Variants in OSBP2 observed in about 807,000 individuals in gnomAD.
OSBP2 encodes the protein oxysterol binding protein 2.
In OSBP2, 66 loss-of-function variants were observed where a neutral mutation model predicts 96.0. The ratio of observed to expected loss-of-function variants is 0.69; its 90% CI spans 0.56 to 0.84. The LOEUF (loss-of-function observed/expected upper bound fraction) is 0.84. Ranked by LOEUF, OSBP2 falls within the 40% of genes least tolerant of loss-of-function variation. The pLI is 0.00. For synonymous variants in OSBP2, 525 were observed against 520.9 expected (o/e 1.01, Z -0.11); for missense variants, 1,038 against 1,222.7 (o/e 0.85, Z 2.25).
At chr22:30,897,291 CCT>C (rs1412223419) in intron 12 of OSBP2, among the ~76,000 whole-genome samples, 1 of 152,196 alleles carries the variant, frequency 6.6e-6, no homozygotes, top group Non-Finnish European at 1.5e-5. Context: ...TTTCTGTACA[CCT>C]CTTTCACTTG....
rs1157018014 is a variant in OSBP2, at chr22:30,907,590, G to A, written c.*1251G>A. The A allele has an allele frequency of 6.6e-6, 1 of 152,044 alleles. No individual in the cohort carries two copies. The highest frequency in any genetic ancestry group is 1.5e-5 in the Non-Finnish European group (1 of 67,978). 9.4% of individuals were successfully genotyped at this position (152,044 alleles called of 1,614,324 possible). A position where few individuals can be genotyped will look rare whatever the true frequency, so the allele number is the denominator to read the frequency against. On this transcript the variant is annotated 3_prime_UTR_variant, in exon 14 of 14. Transcript: ENST00000332585. ...TTTAGTCCTAAAAGTTCATCACAGGGTCTTTCTTTCTACTCCAGGACTGGT... is the reference window on the plus strand; with the variant it reads ...TTTAGTCCTAAAAGTTCATCACAGGATCTTTCTTTCTACTCCAGGACTGGT...
At chr22:30,799,859 G>T (rs2090825074) in intron 2 of OSBP2, among the ~76,000 whole-genome samples, 1 of 152,312 alleles carries the variant, frequency 6.6e-6, no homozygotes, top group African/African-American at 2.4e-5. Context: ...GAGTTTGAAA[G>T]GGTCCTGAAT....
chr22:30,898,183 A>G (rs1199312226), intron 12 of OSBP2, among the ~76,000 whole-genome samples: 1 of 152,042 alleles, frequency 6.6e-6, no homozygotes, highest in South Asian at 2.1e-4. Flanking sequence ...TCTACCAAAA[A>G]AAAATTTTTT....
At chr22:30,899,314 G>T (rs906288905) in intron 12 of OSBP2, among the ~76,000 whole-genome samples, 2 of 151,140 alleles carry the variant, frequency 1.3e-5, no homozygotes, top group African/African-American at 4.9e-5. Flanking sequence ...GCTGAGGCAG[G>T]AAGGTTACTT....
intron 3 of OSBP2, among the ~76,000 whole-genome samples, chr22:30,884,290 C>T (rs895482791): frequency 1.3e-5 from 2 of 152,188 alleles, no homozygotes; most frequent in African/African-American, 4.8e-5. Flanking sequence ...GGTGACTGCA[C>T]TCCTCCCACC....
chr22:30,841,122 A>G (rs937151865), intron 2 of OSBP2, among the ~76,000 whole-genome samples: 10 of 152,138 alleles, frequency 6.6e-5, no homozygotes, highest in South Asian at 4.1e-4. Flanking sequence ...CTGAGATTGC[A>G]TCACTGTACT....
intron 2 of OSBP2, among the ~76,000 whole-genome samples, chr22:30,838,697 C>CT (rs572643836): frequency 6.7e-5 from 10 of 150,206 alleles, no homozygotes; most frequent in African/African-American, 1.5e-4. Flanking sequence ...TTGCCCAGTG[C>CT]TTTTTTTTTC....
At chr22:30,756,875 T>C (rs976548965) in intron 2 of OSBP2, among the ~76,000 whole-genome samples, 2 of 152,090 alleles carry the variant, frequency 1.3e-5, no homozygotes, top group African/African-American at 4.8e-5. Flanking sequence ...GCAGGGGTGA[T>C]AGGGCCCTTT....
chr22:30,835,730 T>C (rs1415944726), intron 2 of OSBP2, among the ~76,000 whole-genome samples: 4 of 151,706 alleles, frequency 2.6e-5, no homozygotes, highest in African/African-American at 9.7e-5. Flanking sequence ...TTTTTTTTTT[T>C]TTTTTTTAAG....
At chr22:30,834,739 T>C (rs1384464952) in intron 2 of OSBP2, among the ~76,000 whole-genome samples, 1 of 152,216 alleles carries the variant, frequency 6.6e-6, no homozygotes, top group Non-Finnish European at 1.5e-5. Flanking sequence ...ATATTCTGGA[T>C]ACAAGTCCCT....
intron 1 of OSBP2, among the ~76,000 whole-genome samples, chr22:30,734,860 C>A (rs976208769): frequency 1.3e-5 from 2 of 152,112 alleles, no homozygotes; most frequent in South Asian, 2.1e-4. Context: ...TGTATAATTC[C>A]TTCCAAATAA....
chr22:30,801,338 T>C (rs919403091), intron 2 of OSBP2, among the ~76,000 whole-genome samples: 4 of 152,246 alleles, frequency 2.6e-5, no homozygotes, highest in African/African-American at 9.6e-5. Context: ...TTGTTTATTT[T>C]TTTAAGGTAC....
chr22:30,779,052 G>T (rs1260203173), intron 2 of OSBP2, among the ~76,000 whole-genome samples: 1 of 150,488 alleles, frequency 6.6e-6, no homozygotes, highest in African/African-American at 2.4e-5. Flanking sequence ...AAAAAATACT[G>T]ATTTAATTTT....
intron 2 of OSBP2, among the ~76,000 whole-genome samples, chr22:30,822,051 C>T (rs2038283792): frequency 1.3e-5 from 2 of 152,242 alleles, no homozygotes; most frequent in South Asian, 4.1e-4. Context: ...TTGCCTTCTT[C>T]CTGCATGGTG....
Position 30,876,340 on chromosome 22 carries a change from A to G in OSBP2, c.1107+5658A>G, listed in dbSNP as rs144756231. On this transcript the variant is annotated intron_variant, in intron 3 of 13. Transcript: ENST00000332585. ...TGGGCCTCTGGACAGTTCTCCAGTCATGGTGGGCCCGTGGGCAGGACTTGG... is the reference window on the plus strand; with the variant it reads ...TGGGCCTCTGGACAGTTCTCCAGTCGTGGTGGGCCCGTGGGCAGGACTTGG... Among the ~76,000 whole-genome samples, 140 of 152,244 alleles carry G rather than the reference A, an allele frequency of 9.2e-4. 4 individuals carry two copies. In the East Asian group the frequency reaches 0.025, roughly 27 times the overall value.
At chr22:30,812,346 G>A (rs1236040969) in intron 2 of OSBP2, among the ~76,000 whole-genome samples, 3 of 151,092 alleles carry the variant, frequency 2.0e-5, no homozygotes, top group Non-Finnish European at 4.4e-5. Context: ...TTGTATTTTT[G>A]GTAGAGACAG....
intron 2 of OSBP2, among the ~76,000 whole-genome samples, chr22:30,812,700 A>G (rs1340615049): frequency 6.6e-6 from 1 of 152,254 alleles, no homozygotes; most frequent in Non-Finnish European, 1.5e-5. Flanking sequence ...CAGATGCTAT[A>G]AAATTGTCAG....
At chr22:30,807,842 G>C (rs2090949940) in intron 2 of OSBP2, among the ~76,000 whole-genome samples, 1 of 152,192 alleles carries the variant, frequency 6.6e-6, no homozygotes, top group Non-Finnish European at 1.5e-5. Context: ...CAGTGATGCA[G>C]TCACAGTTTT....
At chr22:30,846,855 CTGA>C (rs1302303627) in intron 2 of OSBP2, among the ~76,000 whole-genome samples, 1 of 151,996 alleles carries the variant, frequency 6.6e-6, no homozygotes, top group Non-Finnish European at 1.5e-5. Flanking sequence ...TAGTACTTTT[CTGA>C]GTATTTTTGT....
Sources: allele counts gnomAD v4.1 joint callset (sites outside exome capture counted in the v4.1 genomes callset), GRCh38; gene constraint gnomAD v4.1.1; transcripts MANE v1.5; gene names NCBI Gene and HGNC (gene_info 2026-07-23, HGNC 2026-07-21).